MGA: variants seen among roughly 807,000 people sequenced by gnomAD.
The protein encoded by MGA is MAX gene-associated protein.
In MGA, 40 loss-of-function variants were observed where a neutral mutation model predicts 261.1. That is an observed-to-expected ratio of 0.15 (90% CI 0.12 to 0.20). The LOEUF is 0.20. MGA is among the 10% of genes least tolerant of loss of function. MGA has a pLI of 1.00. For synonymous variants in MGA, 1,302 were observed against 1,290.6 expected, an observed-to-expected ratio of 1.01 and a Z score of -0.19; for missense variants, 3,397 against 3,630.5, an observed-to-expected ratio of 0.94 and a Z score of 1.65.
At chr15:41,713,096 G>C in intron 8 of MGA, 55 bp from the exon 9 acceptor site, 1 of 1,575,916 alleles carries the variant, frequency 6.3e-7, no homozygotes, top group Admixed American at 1.7e-5. Context: ...CCATAAGTTG[G>C]TGGTGGTGTA....
chr15:41,737,310 T>G (rs563225460), intron 13 of MGA, among the ~76,000 whole-genome samples: 2 of 151,602 alleles, frequency 1.3e-5, no homozygotes, highest in African/African-American at 2.4e-5. Context: ...TTGTGTGTGT[T>G]TTTTTTTGTT....
chr15:41,626,579 C>T (rs937525042), intron 1 of MGA, among the ~76,000 whole-genome samples: 19 of 152,160 alleles, frequency 1.2e-4, no homozygotes, highest in South Asian at 1.0e-3. Context: ...TGCGCCATCA[C>T]GCCCGGCTAA....
intron 5 of MGA, among the ~76,000 whole-genome samples, chr15:41,704,526 T>C (rs752012066): frequency 1.3e-5 from 2 of 152,080 alleles, no homozygotes; most frequent in South Asian, 2.1e-4. Context: ...AGAGTGGTGG[T>C]GGGCACCTGT....
intron 5 of MGA, among the ~76,000 whole-genome samples, chr15:41,703,908 C>T (rs1416623671): frequency 6.6e-6 from 1 of 152,082 alleles, no homozygotes; most frequent in African/African-American, 2.4e-5. Context: ...CCTCCTGAGC[C>T]CCAGTGATCA....
intron 8 of MGA, among the ~76,000 whole-genome samples, chr15:41,712,417 C>T (rs2060433384): frequency 6.6e-6 from 1 of 152,028 alleles, no homozygotes; most frequent in South Asian, 2.1e-4. Context: ...GGGGTTTTGC[C>T]ATGTTATCCA....
intron 9 of MGA, among the ~76,000 whole-genome samples, chr15:41,716,378 C>T (rs949506148): frequency 6.6e-6 from 1 of 151,822 alleles, no homozygotes; most frequent in African/African-American, 2.4e-5. Flanking sequence ...GGTGTGAACC[C>T]GGGAGGCAGA....
rs12101865 is a variant in MGA at position 41,768,125 on chromosome 15, C to G, written c.*845C>G. ...AAATAAAATGCATTATCTCCCCAGACCAGAGACAGTGGCCAAAATAAAAAA... is the reference window on the plus strand; with the variant it reads ...AAATAAAATGCATTATCTCCCCAGAGCAGAGACAGTGGCCAAAATAAAAAA... On this transcript the variant is annotated 3_prime_UTR_variant, in exon 24 of 24. Coordinates refer to ENST00000219905, the MANE Select transcript of MGA (RefSeq NM_001164273.2). The G allele has an allele frequency of 0.033, 5,037 of 152,608 alleles. 138 individuals are homozygous for G. Among genetic ancestry groups the G allele is most frequent in the African/African-American group, 0.07 (2,900 of 41,482 alleles). The allele number at this position is 152,608 out of a possible 1,614,324, so 9.5% of individuals were successfully genotyped here.
intron 1 of MGA, among the ~76,000 whole-genome samples, chr15:41,636,272 C>T (rs1208782099): frequency 2.0e-5 from 3 of 151,390 alleles, no homozygotes; most frequent in Middle Eastern, 3.4e-3. Flanking sequence ...TTGACCATGC[C>T]AGACTAAATT....
chr15:41,624,046 G>A (rs1013916142), intron 1 of MGA, among the ~76,000 whole-genome samples: 2 of 151,170 alleles, frequency 1.3e-5, no homozygotes, highest in Admixed American at 6.6e-5. Flanking sequence ...GATTATAGGC[G>A]TGAGCCACCG....
chr15:41,705,466 G>A (rs1181739473), intron 5 of MGA, among the ~76,000 whole-genome samples: 1 of 151,984 alleles, frequency 6.6e-6, no homozygotes, highest in Non-Finnish European at 1.5e-5. Context: ...GGCTCAAGCA[G>A]TCCTCCCACC....
intron 20 of MGA, 82 bp from the exon 21 acceptor site, chr15:41,761,657 C>A: frequency 2.8e-6 from 2 of 702,244 alleles, no homozygotes; most frequent in Admixed American, 3.9e-5. Flanking sequence ...AGTTTTTTTT[C>A]ATTAGAGAAA....
Position 41,733,299 on chromosome 15 carries a change from T to A in MGA, c.3844-1223T>A, listed in dbSNP as rs575521895. Among the ~76,000 whole-genome samples, 4 of 151,886 alleles carry A rather than the reference T, an allele frequency of 2.6e-5. No homozygotes were observed. In the East Asian group the frequency reaches 7.7e-4, roughly 29 times the overall value. ...AACTTGCTTTCACTTAAAAAAAAAA[T>A]TGGAACTAAGGAAAGAGGGCAGTCT... On this transcript the variant is annotated intron_variant, in intron 11 of 23. Transcript: ENST00000219905.
At chr15:41,659,581 A>G (rs1235935726), upstream of MGA, among the ~76,000 whole-genome samples, 4 of 152,216 alleles carry the variant, frequency 2.6e-5, no homozygotes, top group African/African-American at 9.7e-5. Context: ...TACTTTTTGA[A>G]GGTTAGGAGA....
chr15:41,752,370 T>G (rs1032410493), intron 17 of MGA: 9 of 152,184 alleles, frequency 5.9e-5, no homozygotes, highest in African/African-American at 1.7e-4. Flanking sequence ...TAGCCTAATC[T>G]TTTTCAAGAA....
chr15:41,640,678 C>G (rs2056804214), intron 1 of MGA, among the ~76,000 whole-genome samples: 1 of 152,144 alleles, frequency 6.6e-6, no homozygotes, highest in Non-Finnish European at 1.5e-5. Context: ...GCCACCACAT[C>G]CAGCTAATTT....
intron 1 of MGA, among the ~76,000 whole-genome samples, chr15:41,651,847 CCT>C (rs1436782094): frequency 1.3e-5 from 1 of 75,302 alleles, no homozygotes; most frequent in African/African-American, 5.5e-5. Context: ...TCTCCTCTCC[CCT>C]CTTTTCCCCT....
In MGA at chr15:41,713,429, G is replaced by A. The variant is rs758834073; in HGVS notation, c.3363G>A (p.Glu1121=). Residue 1121 remains glutamate (E), a synonymous_variant, in exon 9 of 24, where the codon GAG becomes GAA. Coordinates refer to ENST00000219905, the MANE Select transcript of MGA (RefSeq NM_001164273.2). ...CTCTGGGAGAGGAGGCAAGGGAGGA[G>A]GAAGAAGGAATCAGGGAGGAGGAGG... 5 of 1,574,740 alleles carry A rather than the reference G, an allele frequency of 3.2e-6. No individual in the cohort carries two copies. The highest frequency in any genetic ancestry group is 1.9e-5 in the Admixed American group (1 of 52,508).
chr15:41,708,333 T>C, intron 7 of MGA, 125 bp downstream of exon 7: 3 of 742,652 alleles, frequency 4.0e-6, no homozygotes, highest in Non-Finnish European at 6.5e-6. Context: ...GTTGTTGTTG[T>C]TGAGACTGAG....
rs756777238 is a variant in MGA, at chr15:41,734,524, A to G, written c.3846A>G (p.Glu1282=). The G allele has an allele frequency of 1.2e-6, 2 of 1,606,906 alleles. No individual in the cohort carries two copies. Among genetic ancestry groups the G allele is most frequent in the South Asian group, 1.1e-5 (1 of 89,750 alleles). ...TTCTGTGTTACTGTCTCCTTCAGGA[A>G]CCTGATTCTGAACAGCAGCCCTTAA... Residue 1282 remains glutamate (E), a splice_region_variant and synonymous_variant, in exon 12 of 24, where the codon GAA becomes GAG. Transcript: ENST00000219905.
Sources: gnomAD v4.1 joint callset for allele counts (sites outside exome capture counted in the v4.1 genomes callset) on GRCh38, gnomAD v4.1.1 for gene constraint, MANE v1.5 for transcripts, NCBI Gene and HGNC (gene_info 2026-07-23, HGNC 2026-07-21) for gene names.